Variants in NR2C2 observed in about 807,000 individuals in gnomAD.
The protein encoded by NR2C2 is Nuclear hormone receptor TR4.
NR2C2 carries 6 observed loss-of-function variants against 62.9 expected under a neutral mutation model. That is an observed-to-expected ratio of 0.10 (90% confidence interval 0.05 to 0.19). NR2C2 has a LOEUF of 0.19. Ranked by LOEUF, NR2C2 falls within the 10% of genes least tolerant of loss-of-function variation. The pLI, the probability that NR2C2 is intolerant of heterozygous loss-of-function variation, is 1.00. For missense variants in NR2C2, 479 were observed against 762.7 expected (o/e 0.63, Z 4.38); for synonymous variants, 272 against 273.8 (o/e 0.99, Z 0.07).
chr3:15,019,118 C>G (rs939987910), intron 4 of NR2C2, among the ~76,000 whole-genome samples: 3 of 148,502 alleles, frequency 2.0e-5, no homozygotes, highest in Admixed American at 2.0e-4. Context: ...TCCAGCTACT[C>G]GGGAGGCTGA....
Position 15,044,145 on chromosome 3 carries a change from G to A in NR2C2, c.*1137G>A, listed in dbSNP as rs2042369319. ...GAGGCTGGATTGGGGCTGGGCAGGA[G>A]CCTGCTGCCGCCTGGCGAGAGTGGT... On this transcript the variant is annotated 3_prime_UTR_variant, in exon 14 of 14. Coordinates refer to ENST00000425241, the MANE Select transcript of NR2C2 (RefSeq NM_001291694.2). The A allele has an allele frequency of 1.3e-5, 2 of 152,282 alleles. No homozygotes were observed. Among genetic ancestry groups the A allele is most frequent in the Admixed American group, 6.5e-5 (1 of 15,286 alleles). The allele number at this position is 152,282 out of a possible 1,614,324, so 9.4% of individuals were successfully genotyped here. A position where few individuals can be genotyped will look rare whatever the true frequency, so the allele number is the denominator to read the frequency against.
intron 1 of NR2C2, among the ~76,000 whole-genome samples, chr3:14,958,641 C>T (rs900509202): frequency 1.3e-5 from 2 of 152,210 alleles, no homozygotes; most frequent in African/African-American, 2.4e-5. Context: ...TATTTCTTTT[C>T]TATACTTTGT....
intron 1 of NR2C2, among the ~76,000 whole-genome samples, chr3:14,981,483 C>G (rs964334712): frequency 6.6e-6 from 1 of 151,416 alleles, no homozygotes; most frequent in Non-Finnish European, 1.5e-5. Context: ...GGCGCCTGTA[C>G]TCCCAGCTAC....
In NR2C2 at chr3:15,043,494, G is replaced by C. The variant is rs2042344811; in HGVS notation, c.*486G>C. ...CTGTGGGCAGGGCAAATGGAAAACT[G>C]TGTATGTCTTTTGCCGAAATGCTAA... On this transcript the variant is annotated 3_prime_UTR_variant, in exon 14 of 14. Coordinates refer to ENST00000425241, the MANE Select transcript of NR2C2 (RefSeq NM_001291694.2). 6.6e-6 allele frequency: 1 copy of C among 152,640 alleles called. No homozygotes were observed. The highest frequency in any genetic ancestry group is 2.4e-5 in the African/African-American group (1 of 41,468). 9.5% of individuals were successfully genotyped at this position (152,640 alleles called of 1,614,324 possible).
At chr3:14,971,369 T>C (rs1285194638) in intron 1 of NR2C2, among the ~76,000 whole-genome samples, 1 of 151,624 alleles carries the variant, frequency 6.6e-6, no homozygotes, top group African/African-American at 2.4e-5. Flanking sequence ...CCACCTGCCT[T>C]GGCCTCCCAA....
Position 15,002,195 on chromosome 3 carries a change from T to C in NR2C2, c.-39-1681T>C, listed in dbSNP as rs77047106. 1.7e-3 allele frequency among the ~76,000 whole-genome samples: 262 copies of C among 152,362 alleles called. 9 individuals are homozygous for C. In the East Asian group the frequency reaches 0.043, roughly 25 times the overall value. On this transcript the variant is annotated intron_variant, in intron 1 of 13. Transcript: ENST00000425241. ...GCTTTTAGTCTTTTACCGCTAAGTA[T>C]ACTGTATAGCTGTGAGTATTTTATA...
intron 8 of NR2C2, among the ~76,000 whole-genome samples, chr3:15,029,794 T>G (rs775458178): frequency 1.3e-4 from 10 of 78,976 alleles, no homozygotes; most frequent in South Asian, 3.9e-4. Flanking sequence ...AAATAAATAA[T>G]AGATAGATAG....
In NR2C2 at chr3:15,000,814, G is replaced by GTT. The variant is rs60214973; in HGVS notation, c.-39-3043_-39-3042dup. The stretch of plus-strand genomic sequence containing the variant: ...CACAAATGTCTTTCTATTTATTTAG[G>GTT]TTTTTTTTTTTTTTTTTTTTGACGG... On this transcript the variant is annotated intron_variant, in intron 1 of 13. Coordinates refer to ENST00000425241, the MANE Select transcript of NR2C2 (RefSeq NM_001291694.2). Among the ~76,000 whole-genome samples the GTT allele has an allele frequency of 1.9e-3, 242 of 127,026 alleles. 3 individuals are homozygous for GTT. The highest frequency in any genetic ancestry group is 7.7e-3 in the East Asian group (34 of 4,394). 83.3% of individuals were successfully genotyped at this position (127,026 alleles called of 152,430 possible). A position where few individuals can be genotyped will look rare whatever the true frequency, so the allele number is the denominator to read the frequency against.
chr3:15,024,692 G>C (rs893445550), intron 7 of NR2C2, among the ~76,000 whole-genome samples: 2 of 152,198 alleles, frequency 1.3e-5, no homozygotes, highest in Non-Finnish European at 2.9e-5. Context: ...CAGTCCAAAA[G>C]GGGGAGACTT....
chr3:15,023,356 C>T lies in NR2C2; in HGVS notation c.704+9C>T, dbSNP rs1173161490. ...GACAAAGATGGAGCAAGGTCAGTCC[C>T]TTGTTCTCACTGCAATCAGCCTTTG... On this transcript the variant is annotated intron_variant, in intron 6 of 13. Coordinates refer to ENST00000425241, the MANE Select transcript of NR2C2 (RefSeq NM_001291694.2). 6 of 1,613,668 alleles carry T rather than the reference C, an allele frequency of 3.7e-6. No homozygotes were observed. Among genetic ancestry groups the T allele is most frequent in the African/African-American group, 1.3e-5 (1 of 74,932 alleles).
intron 7 of NR2C2, among the ~76,000 whole-genome samples, 192 bp downstream of exon 7, chr3:15,024,400 G>C (rs1226045581): frequency 1.3e-5 from 2 of 152,222 alleles, no homozygotes; most frequent in Admixed American, 6.5e-5. Context: ...TCTCAGATCA[G>C]AGCTGGCTGG....
At chr3:14,981,963 G>C (rs761747700) in intron 1 of NR2C2, among the ~76,000 whole-genome samples, 5 of 152,226 alleles carry the variant, frequency 3.3e-5, no homozygotes, top group Non-Finnish European at 5.9e-5. Flanking sequence ...TGCTTTCTCA[G>C]ATTGAGGGTG....
chr3:14,988,476 C>T (rs140880236), intron 1 of NR2C2, among the ~76,000 whole-genome samples: 1 of 152,300 alleles, frequency 6.6e-6, no homozygotes, highest in Non-Finnish European at 1.5e-5. Flanking sequence ...CGTGGGTTCC[C>T]AGAAGTATAA....
chr3:15,013,354 T>TA (rs1180292137), intron 2 of NR2C2, among the ~76,000 whole-genome samples: 2 of 152,250 alleles, frequency 1.3e-5, no homozygotes, highest in African/African-American at 2.4e-5. Context: ...ATTTTAATTC[T>TA]AAAAACAGTA....
At chr3:15,006,956 G>A (rs1419930510) in intron 2 of NR2C2, among the ~76,000 whole-genome samples, 1 of 151,418 alleles carries the variant, frequency 6.6e-6, no homozygotes. Context: ...TGTATTTTCA[G>A]TAGAGACAGA....
intron 3 of NR2C2, among the ~76,000 whole-genome samples, chr3:15,014,997 G>A (rs146871395): frequency 1.3e-5 from 2 of 152,254 alleles, no homozygotes; most frequent in Non-Finnish European, 2.9e-5. Context: ...ATTGAGCTGG[G>A]ATCAGAACGC....
intron 11 of NR2C2, among the ~76,000 whole-genome samples, chr3:15,036,719 T>G (rs1387457005): frequency 6.6e-6 from 1 of 152,232 alleles, no homozygotes; most frequent in East Asian, 1.9e-4. Flanking sequence ...AATTTCACTT[T>G]TAATTGGGCA....
chr3:14,948,481 C>A (rs1279710130), intron 1 of NR2C2: 1 of 152,270 alleles, frequency 6.6e-6, no homozygotes, highest in Non-Finnish European at 1.5e-5. Flanking sequence ...GGCACCGCCC[C>A]CCTAAGCTTT....
chr3:15,018,444 A>G (rs1030825149), intron 4 of NR2C2, among the ~76,000 whole-genome samples: 1 of 152,256 alleles, frequency 6.6e-6, no homozygotes, highest in Non-Finnish European at 1.5e-5. Flanking sequence ...AAAATGGGCA[A>G]AATACCTTAA....
Sources: gnomAD v4.1 joint callset for allele counts (sites outside exome capture counted in the v4.1 genomes callset) on GRCh38, gnomAD v4.1.1 for gene constraint, MANE v1.5 for transcripts, NCBI Gene and HGNC (gene_info 2026-07-23, HGNC 2026-07-21) for gene names.